POU6F2: variants seen among roughly 807,000 people sequenced by gnomAD.
POU6F2 encodes the protein POU domain, class 6, transcription factor 2.
In POU6F2, 31 loss-of-function variants were observed where a neutral mutation model predicts 71.3. The observed-to-expected ratio is 0.43, with a 90% CI of 0.33 to 0.59. The LOEUF is 0.59. POU6F2 is among the 20% of genes least tolerant of loss of function. POU6F2 has a pLI of 0.04. For synonymous variants in POU6F2, 347 were observed against 355.7 expected (o/e 0.98, Z 0.27); for missense variants, 783 against 856.8 (o/e 0.91, Z 1.07).
rs181240983 is a variant in POU6F2 at position 39,323,460 on chromosome 7, G to T, written c.599-16182G>T. Among the ~76,000 whole-genome samples, 164 of 152,262 alleles carry T rather than the reference G, an allele frequency of 1.1e-3. 1 individual carries two copies. The highest frequency in any genetic ancestry group is 6.8e-3 in the Middle Eastern group (2 of 294). ...CTTTTTTCAAGCCCTGTTTCTATGTGTGGAAGTGGGACATCCCCGTCTGCT... is the reference window on the plus strand; with the variant it reads ...CTTTTTTCAAGCCCTGTTTCTATGTTTGGAAGTGGGACATCCCCGTCTGCT... On this transcript the variant is annotated intron_variant, in intron 4 of 9. Coordinates refer to ENST00000518318, the MANE Select transcript of POU6F2 (RefSeq NM_001370959.1).
chr7:39,012,013 C>A (rs955104974), intron 1 of POU6F2, among the ~76,000 whole-genome samples: 5 of 152,018 alleles, frequency 3.3e-5, no homozygotes, highest in Non-Finnish European at 7.4e-5. Flanking sequence ...TGGAGTTGCT[C>A]TTCTCGAGGA....
chr7:39,143,279 C>A (rs1264492029), intron 2 of POU6F2, among the ~76,000 whole-genome samples: 1 of 152,114 alleles, frequency 6.6e-6, no homozygotes, highest in South Asian at 2.1e-4. Context: ...TTGTGTTAAG[C>A]ACTATTCTCT....
intron 4 of POU6F2, among the ~76,000 whole-genome samples, chr7:39,266,946 C>G (rs935860061): frequency 6.6e-6 from 1 of 152,024 alleles, no homozygotes; most frequent in Non-Finnish European, 1.5e-5. Flanking sequence ...AGAACTTATT[C>G]CCCCTATGTA....
intron 2 of POU6F2, among the ~76,000 whole-genome samples, chr7:39,177,202 A>G (rs1347305066): frequency 6.6e-6 from 1 of 152,126 alleles, no homozygotes; most frequent in Admixed American, 6.5e-5. Context: ...CCTTTTGTCC[A>G]CTCCCCTTGC....
rs144954153 is a variant in POU6F2 at position 39,299,507 on chromosome 7, T to C, written c.599-40135T>C. On this transcript the variant is annotated intron_variant, in intron 4 of 9. Transcript: ENST00000518318. ...CAAAACAGAAACAGCTAGAAGTGTGTCAATTTCACAGCAGGCCATGAAAAA... is the reference window on the plus strand; with the variant it reads ...CAAAACAGAAACAGCTAGAAGTGTGCCAATTTCACAGCAGGCCATGAAAAA... 3.1e-3 allele frequency among the ~76,000 whole-genome samples: 476 copies of C among 152,280 alleles called. 6 individuals carry two copies. Among genetic ancestry groups the C allele is most frequent in the South Asian group, 9.9e-3 (48 of 4,826 alleles).
intron 2 of POU6F2, among the ~76,000 whole-genome samples, chr7:39,204,015 AACTG>A (rs1793958020): frequency 6.6e-6 from 1 of 152,174 alleles, no homozygotes. Flanking sequence ...ACTCTATGCA[AACTG>A]ACTGTGCTAC....
At chr7:39,127,957 C>T (rs1331672570) in intron 2 of POU6F2, among the ~76,000 whole-genome samples, 6 of 151,266 alleles carry the variant, frequency 4.0e-5, no homozygotes, top group Non-Finnish European at 8.8e-5. Context: ...ATTCTCCTGC[C>T]TCAGCCTCCC....
chr7:39,360,028 C>T (rs1786344568), intron 5 of POU6F2, among the ~76,000 whole-genome samples: 1 of 152,112 alleles, frequency 6.6e-6, no homozygotes, highest in Non-Finnish European at 1.5e-5. Flanking sequence ...AGATTAAAAG[C>T]AAACAGCATT....
At chr7:39,131,368 TTAATAC>T (rs1178307409) in intron 2 of POU6F2, among the ~76,000 whole-genome samples, 2 of 152,172 alleles carry the variant, frequency 1.3e-5, no homozygotes, top group Non-Finnish European at 2.9e-5. Context: ...TTAACCTGGG[TTAATAC>T]TTCAGGGAGC....
In POU6F2 at chr7:39,382,774, G is replaced by C. The variant is rs113977387; in HGVS notation, c.973-23826G>C. Among the ~76,000 whole-genome samples, 303 of 152,292 alleles carry C rather than the reference G, an allele frequency of 2.0e-3. 3 individuals are homozygous for C. Among genetic ancestry groups the C allele is most frequent in the African/African-American group, 7.0e-3 (290 of 41,558 alleles). The stretch of plus-strand genomic sequence containing the variant: ...ATAGGGCACTAAGTCAGAAAAGCTT[G>C]AATGTACTGTTTATCTGACGGGCAA... On this transcript the variant is annotated intron_variant, in intron 5 of 9. Coordinates refer to ENST00000518318, the MANE Select transcript of POU6F2 (RefSeq NM_001370959.1).
chr7:39,392,702 TTACGGAC>T, intron 5 of POU6F2, among the ~76,000 whole-genome samples: 1 of 152,278 alleles, frequency 6.6e-6, no homozygotes, highest in African/African-American at 2.4e-5. Context: ...CCTTCTCAAT[TTACGGAC>T]AGGAACATGG....
intron 4 of POU6F2, among the ~76,000 whole-genome samples, chr7:39,295,685 T>G (rs545245302): frequency 6.6e-6 from 1 of 152,342 alleles, no homozygotes; most frequent in Admixed American, 6.5e-5. Context: ...AGTAGTCCTG[T>G]GTGTTGTTAT....
chr7:39,001,486 G>A (rs1179735427), intron 1 of POU6F2, among the ~76,000 whole-genome samples: 1 of 152,134 alleles, frequency 6.6e-6, no homozygotes, highest in African/African-American at 2.4e-5. Context: ...TCAATTTGTG[G>A]TATGCACCAG....
intron 4 of POU6F2, among the ~76,000 whole-genome samples, chr7:39,279,438 GGAAAT>G (rs1231858572): frequency 1.3e-5 from 2 of 152,186 alleles, no homozygotes; most frequent in Non-Finnish European, 2.9e-5. Flanking sequence ...GGGTGATTGT[GGAAAT>G]GAAATGAAAT....
chr7:39,009,549 C>T (rs2128702577), intron 1 of POU6F2, among the ~76,000 whole-genome samples: 1 of 152,314 alleles, frequency 6.6e-6, no homozygotes, highest in East Asian at 1.9e-4. Context: ...GCCAAAACTT[C>T]CAACACTATG....
intron 4 of POU6F2, among the ~76,000 whole-genome samples, chr7:39,209,384 G>A (rs1417503507): frequency 6.6e-6 from 1 of 152,134 alleles, no homozygotes; most frequent in Non-Finnish European, 1.5e-5. Flanking sequence ...GAAGTGGGTT[G>A]GAGTTGACGC....
Position 39,246,905 on chromosome 7 carries a change from C to CTTTTTTTTTTTTTTTTTTTTTTTTTTT in POU6F2, c.598+39308_598+39309insTTTTTTTTTTTTTTTTTTTTTTTTTTT, listed in dbSNP as rs398004470. Among the ~76,000 whole-genome samples, 6 of 78,156 alleles carry CTTTTTTTTTTTTTTTTTTTTTTTTTTT rather than the reference C, an allele frequency of 7.7e-5. 1 individual carries two copies. Among genetic ancestry groups the CTTTTTTTTTTTTTTTTTTTTTTTTTTT allele is most frequent in the African/African-American group, 3.5e-4 (6 of 17,084 alleles). 51.3% of individuals were successfully genotyped at this position (78,156 alleles called of 152,430 possible). The stretch of plus-strand genomic sequence containing the variant: ...CCAGCTCACCCCAAATCCAGGGTGG[C>CTTTTTTTTTTTTTTTTTTTTTTTTTTT]TTTTTTTTTTTTTTTTTTTTTTTGC... On this transcript the variant is annotated intron_variant, in intron 4 of 9. Transcript: ENST00000518318.
intron 1 of POU6F2, among the ~76,000 whole-genome samples, chr7:39,062,186 C>G (rs1462620322): frequency 6.6e-6 from 1 of 151,912 alleles, no homozygotes; most frequent in Non-Finnish European, 1.5e-5. Context: ...GTTTTGCATC[C>G]TGAATACAAA....
At chr7:39,056,647 T>TC (rs1491088597) in intron 1 of POU6F2, among the ~76,000 whole-genome samples, 3 of 108,088 alleles carry the variant, frequency 2.8e-5, no homozygotes, top group African/African-American at 1.1e-4. Context: ...TCTTTCTCTT[T>TC]TTCTCTCTCT....
Sources: allele counts gnomAD v4.1 joint callset (sites outside exome capture counted in the v4.1 genomes callset), GRCh38; gene constraint gnomAD v4.1.1; transcripts MANE v1.5; gene names NCBI Gene and HGNC (gene_info 2026-07-23, HGNC 2026-07-21).